The following CRPPA variants were observed in gnomAD, a reference collection of about 807,000 sequenced individuals.
The protein encoded by CRPPA is D-ribitol-5-phosphate cytidylyltransferase.
A neutral mutation model predicts 52.0 loss-of-function variants in CRPPA; 43 were observed. That is an observed-to-expected ratio of 0.83 (90% CI 0.65 to 1.07). CRPPA has a LOEUF of 1.07. Ranked by LOEUF, CRPPA falls within the 50% of genes least tolerant of loss-of-function variation. The pLI, the probability that CRPPA is intolerant of heterozygous loss-of-function variation, is 0.00. For missense variants in CRPPA, 629 were observed against 551.7 expected (o/e 1.14, Z -1.40); for synonymous variants, 250 against 203.5 (o/e 1.23, Z -1.94).
At chr7:16,213,708 C>T (rs188881342) in intron 9 of CRPPA, among the ~76,000 whole-genome samples, 2 of 150,438 alleles carry the variant, frequency 1.3e-5, no homozygotes, top group East Asian at 3.9e-4. Context: ...GAGATTGTGC[C>T]ATTGCGCTCC....
At chr7:16,200,397 C>T (rs1177189697) in intron 9 of CRPPA, among the ~76,000 whole-genome samples, 2 of 152,124 alleles carry the variant, frequency 1.3e-5, no homozygotes, top group East Asian at 3.9e-4. Context: ...AGTTGTATTA[C>T]ACAAAGAGTA....
At chr7:16,285,022 T>C (rs938671437) in intron 5 of CRPPA, among the ~76,000 whole-genome samples, 2 of 152,298 alleles carry the variant, frequency 1.3e-5, no homozygotes, top group Admixed American at 6.5e-5. Flanking sequence ...AATTTTTTCA[T>C]GAAGCACAAA....
intron 8 of CRPPA, among the ~76,000 whole-genome samples, chr7:16,223,880 AT>A (rs34194782): frequency 5.3e-5 from 8 of 151,654 alleles, no homozygotes; most frequent in African/African-American, 1.2e-4. Flanking sequence ...CATCAAGTAG[AT>A]TTTTTTTTGT....
intron 5 of CRPPA, among the ~76,000 whole-genome samples, chr7:16,278,454 C>G (rs1470587414): frequency 2.0e-5 from 3 of 152,150 alleles, no homozygotes; most frequent in Non-Finnish European, 4.4e-5. Flanking sequence ...GAAGAACCAG[C>G]CATTGTGCAA....
rs754310906 is a variant in CRPPA at position 16,091,434 on chromosome 7, T to C, written c.*261A>G. The C allele has an allele frequency of 6.3e-6, 2 of 315,070 alleles. No homozygotes were observed. Among genetic ancestry groups the C allele is most frequent in the Non-Finnish European group, 1.1e-5 (2 of 174,396 alleles). The allele number at this position is 315,070 out of a possible 1,614,324, so 19.5% of individuals were successfully genotyped here. A position where few individuals can be genotyped will look rare whatever the true frequency, so the allele number is the denominator to read the frequency against. On this transcript the variant is annotated 3_prime_UTR_variant, in exon 10 of 10. Transcript: ENST00000407010. Reference sequence around the variant, plus strand: ...GACCGTTCATGTCTCTGTGGAAAGATTCATTTGAAGGCTATTATTTTCCAC... The same window carrying C: ...GACCGTTCATGTCTCTGTGGAAAGACTCATTTGAAGGCTATTATTTTCCAC...
intron 3 of CRPPA, among the ~76,000 whole-genome samples, chr7:16,324,029 A>T (rs933258079): frequency 1.3e-5 from 2 of 152,214 alleles, no homozygotes; most frequent in African/African-American, 4.8e-5. Context: ...AGCAGAGAAG[A>T]TGTCCATGCA....
intron 8 of CRPPA, among the ~76,000 whole-genome samples, chr7:16,245,850 T>C (rs941697777): frequency 6.6e-6 from 1 of 152,166 alleles, no homozygotes; most frequent in African/African-American, 2.4e-5. Context: ...AACAATAATA[T>C]ACATATCTTA....
chr7:16,252,760 T>G (rs767168968), intron 8 of CRPPA, among the ~76,000 whole-genome samples: 8 of 152,132 alleles, frequency 5.3e-5, no homozygotes, highest in Non-Finnish European at 1.2e-4. Context: ...TGGTAAGCTA[T>G]TAATTATTGC....
chr7:16,337,160 G>A lies in CRPPA; in HGVS notation c.685-28533C>T, dbSNP rs569843419. On this transcript the variant is annotated intron_variant, in intron 3 of 9. Transcript: ENST00000407010. ...ACATGTAGAGAACATTCGGTCCAAC[G>A]GCAGAATACATTCCTCTCAAGTGCA... 4.6e-4 allele frequency among the ~76,000 whole-genome samples: 70 copies of A among 152,088 alleles called. 1 individual carries two copies. The highest frequency in any genetic ancestry group is 1.5e-3 in the African/African-American group (61 of 41,510).
Position 16,258,433 on chromosome 7 carries a change from T to C in CRPPA, c.1076A>G (p.Glu359Gly). The C allele has an allele frequency of 6.2e-7, 1 of 1,607,658 alleles. No individual in the cohort carries two copies. The highest frequency in any genetic ancestry group is 1.1e-5 in the South Asian group (1 of 89,910). ...QETQKLLSMLEESSLCILYPV... is the reference protein window; with the variant it reads ...QETQKLLSMLGESSLCILYPV... The stretch of plus-strand genomic sequence containing the variant: ...ATATAAAATGCAAAGACTACTCTCT[T>C]CAAGCATGCTCAGTAACTTCTGGGT... Residue 359 changes from glutamate (E) to glycine (G), a missense_variant, in exon 8 of 10, where the codon GAA (glutamate) becomes GGA (glycine). Coordinates refer to ENST00000407010, the MANE Select transcript of CRPPA (RefSeq NM_001101426.4).
At chr7:16,140,639 C>T (rs1782851835) in intron 9 of CRPPA, among the ~76,000 whole-genome samples, 1 of 152,186 alleles carries the variant, frequency 6.6e-6, no homozygotes, top group Admixed American at 6.5e-5. Context: ...TCCTTTTTAT[C>T]TCAATCTTGT....
At chr7:16,203,022 G>A (rs1481422580) in intron 9 of CRPPA, among the ~76,000 whole-genome samples, 6 of 152,136 alleles carry the variant, frequency 3.9e-5, no homozygotes, top group Non-Finnish European at 8.8e-5. Flanking sequence ...GTAACTTACA[G>A]TATATTTCAC....
intron 8 of CRPPA, among the ~76,000 whole-genome samples, chr7:16,256,528 G>A (rs1325540613): frequency 6.6e-6 from 1 of 152,140 alleles, no homozygotes; most frequent in Non-Finnish European, 1.5e-5. Flanking sequence ...GCCCATCAGT[G>A]ATAGACTGGA....
At chr7:16,415,937 C>T (rs1484469283) in intron 1 of CRPPA, among the ~76,000 whole-genome samples, 4 of 152,164 alleles carry the variant, frequency 2.6e-5, no homozygotes, top group Non-Finnish European at 2.9e-5. Flanking sequence ...TTCTCTTTTG[C>T]AGTCCCCAAT....
chr7:16,277,177 A>G (rs1204726197), intron 6 of CRPPA: 2 of 152,144 alleles, frequency 1.3e-5, no homozygotes, highest in Admixed American at 1.3e-4. Context: ...GCTAACATCC[A>G]AAGTGCAAGC....
chr7:16,371,810 T>C (rs1465754371), intron 3 of CRPPA, among the ~76,000 whole-genome samples: 1 of 152,148 alleles, frequency 6.6e-6, no homozygotes, highest in African/African-American at 2.4e-5. Flanking sequence ...AAGACTTTTT[T>C]TAAATCTATG....
chr7:16,197,212 G>C (rs1324787217), intron 9 of CRPPA, among the ~76,000 whole-genome samples: 1 of 152,030 alleles, frequency 6.6e-6, no homozygotes, highest in Non-Finnish European at 1.5e-5. Flanking sequence ...AGGTTGATAG[G>C]GACACAATGG....
At chr7:16,167,696 A>G (rs2128384207) in intron 9 of CRPPA, among the ~76,000 whole-genome samples, 1 of 152,332 alleles carries the variant, frequency 6.6e-6, no homozygotes, top group East Asian at 1.9e-4. Flanking sequence ...GGATAATAAT[A>G]TTTACATTTC....
At chr7:16,182,358 C>T (rs1781428878) in intron 9 of CRPPA, among the ~76,000 whole-genome samples, 1 of 151,924 alleles carries the variant, frequency 6.6e-6, no homozygotes, top group African/African-American at 2.4e-5. Context: ...AAATAAGCCA[C>T]AGTAAAATTC....
Sources: allele counts gnomAD v4.1 joint callset (sites outside exome capture counted in the v4.1 genomes callset), GRCh38; gene constraint gnomAD v4.1.1; transcripts MANE v1.5; gene names NCBI Gene and HGNC (gene_info 2026-07-23, HGNC 2026-07-21).